NSUN4: variants seen among roughly 807,000 people sequenced by gnomAD.
NSUN4 encodes 5-cytosine rRNA methyltransferase NSUN4.
NSUN4 carries 31 observed loss-of-function variants against 43.8 expected under a neutral mutation model. The ratio of observed to expected loss-of-function variants is 0.71; its 90% confidence interval spans 0.53 to 0.96. NSUN4 has a LOEUF of 0.96. Ranked by LOEUF, NSUN4 falls within the 40% of genes least tolerant of loss-of-function variation. NSUN4 has a pLI of 0.00. For missense variants in NSUN4, 439 were observed against 475.6 expected (o/e 0.92, Z 0.72); for synonymous variants, 167 against 184.1 (o/e 0.91, Z 0.75).
intron 1 of NSUN4, chr1:46,343,949 G>C (rs986577014): frequency 1.3e-5 from 5 of 396,470 alleles, no homozygotes; most frequent in Non-Finnish European, 2.2e-5. Flanking sequence ...CAAGAAATGA[G>C]GGCCAGAGCA....
At chr1:46,372,063 T>C in the NSUN4 span, among the ~76,000 whole-genome samples, 1 of 152,078 alleles carries the variant, frequency 6.6e-6, no homozygotes, top group Non-Finnish European at 1.5e-5. Flanking sequence ...TGATAATCCC[T>C]TCTCTCTGTA....
At chr1:46,348,808 GTT>G (rs869234807) in intron 3 of NSUN4, among the ~76,000 whole-genome samples, 490 of 77,826 alleles carry the variant, frequency 6.3e-3, no homozygotes, top group African/African-American at 0.023. Context: ...CTTGTGCACT[GTT>G]TTTTTTTTTT....
chr1:46,341,353 A>G (rs897559456), intron 1 of NSUN4: 1 of 997,894 alleles, frequency 1.0e-6, no homozygotes, highest in Non-Finnish European at 1.2e-6. Flanking sequence ...GGAAAATACC[A>G]TAGCGACCTT....
the NSUN4 span, chr1:46,370,520 A>G: frequency 3.3e-5 from 5 of 150,150 alleles, no homozygotes; most frequent in East Asian, 3.9e-4. Context: ...GCTTTAGCCA[A>G]TGAAATGTGC....
chr1:46,356,785 G>T (rs569985074), intron 4 of NSUN4, among the ~76,000 whole-genome samples: 74 of 152,160 alleles, frequency 4.9e-4, no homozygotes, highest in African/African-American at 1.7e-3. Flanking sequence ...TTGTCCATCA[G>T]CTGGAGAAGG....
intron 4 of NSUN4, among the ~76,000 whole-genome samples, chr1:46,353,381 A>G (rs897706948): frequency 6.6e-6 from 1 of 152,210 alleles, no homozygotes; most frequent in Non-Finnish European, 1.5e-5. Context: ...AGCACATGGT[A>G]CAAAATTCAG....
the NSUN4 span, among the ~76,000 whole-genome samples, chr1:46,371,284 C>T: frequency 6.6e-5 from 10 of 151,234 alleles, no homozygotes; most frequent in East Asian, 7.7e-4. Context: ...CCTGTCACCA[C>T]GCCTGGCTAA....
At position 46,347,089 on chromosome 1, in the gene NSUN4, CTGGTGTGT is replaced by C. The variant is rs1318257074; in HGVS notation, c.592+18_592+25del. The stretch of plus-strand genomic sequence containing the variant: ...CTGGCTGTTGCCGTAAGTCAGGGTG[CTGGTGTGT>C]TGGGCAGAGAGAGCTCCCCACCTCA... On this transcript the variant is annotated intron_variant, in intron 3 of 5. Coordinates refer to ENST00000474844, the MANE Select transcript of NSUN4 (RefSeq NM_199044.4). The C allele has an allele frequency of 6.2e-7, 1 of 1,612,020 alleles. No individual in the cohort carries two copies. The highest frequency in any genetic ancestry group is 8.5e-7 in the Non-Finnish European group (1 of 1,178,968).
At chr1:46,366,979 A>G (rs1436535691), downstream of NSUN4, among the ~76,000 whole-genome samples, 2 of 152,176 alleles carry the variant, frequency 1.3e-5, no homozygotes, top group Admixed American at 1.3e-4. Context: ...TGTTTGAGAG[A>G]CTGGTAAAAG....
At chr1:46,378,405 C>T in the NSUN4 span, among the ~76,000 whole-genome samples, 2 of 152,142 alleles carry the variant, frequency 1.3e-5, no homozygotes, top group Non-Finnish European at 1.5e-5. Flanking sequence ...TCATGCTGAA[C>T]AGGCTGGTCT....
chr1:46,342,793 C>G, intron 1 of NSUN4: 1 of 399,010 alleles, frequency 2.5e-6, no homozygotes, highest in Non-Finnish European at 4.4e-6. Flanking sequence ...CAGTCACATA[C>G]TCCCCACAAA....
In NSUN4 at chr1:46,363,913, T is replaced by C. The variant is rs1664027033; in HGVS notation, c.*2067T>C. The C allele has an allele frequency of 6.6e-6, 1 of 152,202 alleles. No homozygotes were observed. The highest frequency in any genetic ancestry group is 6.5e-5 in the Admixed American group (1 of 15,280). 9.4% of individuals were successfully genotyped at this position (152,202 alleles called of 1,614,324 possible). A position where few individuals can be genotyped will look rare whatever the true frequency, so the allele number is the denominator to read the frequency against. On this transcript the variant is annotated 3_prime_UTR_variant, in exon 6 of 6. Coordinates refer to ENST00000474844, the MANE Select transcript of NSUN4 (RefSeq NM_199044.4). The stretch of plus-strand genomic sequence containing the variant: ...AAAGGTTTTTTCTTTTCTATGGAGT[T>C]ATTCTTTACATACAATATAGTTCAT...
chr1:46,348,051 T>C (rs1662650784), intron 3 of NSUN4, among the ~76,000 whole-genome samples: 1 of 151,982 alleles, frequency 6.6e-6, no homozygotes, highest in African/African-American at 2.4e-5. Context: ...CTAATTTGTT[T>C]TTGTACTTTT....
chr1:46,364,451 T>TGGATCACCTGAGGTCAGGA lies in NSUN4; in HGVS notation c.*2609_*2627dup, dbSNP rs1328843897. 4 of 150,492 alleles carry TGGATCACCTGAGGTCAGGA rather than the reference T, an allele frequency of 2.7e-5. No individual in the cohort carries two copies. The highest frequency in any genetic ancestry group is 9.8e-5 in the African/African-American group (4 of 40,616). 9.3% of individuals were successfully genotyped at this position (150,492 alleles called of 1,614,324 possible). A position where few individuals can be genotyped will look rare whatever the true frequency, so the allele number is the denominator to read the frequency against. On this transcript the variant is annotated 3_prime_UTR_variant, in exon 6 of 6. Coordinates refer to ENST00000474844, the MANE Select transcript of NSUN4 (RefSeq NM_199044.4). ...CAAAACTTTGGAAGGCTGAGGCAGG[T>TGGATCACCTGAGGTCAGGA]GGATCACCTGAGGTCAGGAGGAGTT...
chr1:46,374,809 G>A, the NSUN4 span, among the ~76,000 whole-genome samples: 2 of 151,248 alleles, frequency 1.3e-5, no homozygotes, highest in East Asian at 1.9e-4. Context: ...GAGTATATGA[G>A]TATAAGCTAT....
At chr1:46,344,687 A>T in intron 1 of NSUN4, 114 bp from the exon 2 acceptor site, 1 of 845,150 alleles carries the variant, frequency 1.2e-6, no homozygotes, top group Non-Finnish European at 1.9e-6. Flanking sequence ...ATGCAAAAGC[A>T]GGAGTGGGCA....
At chr1:46,383,118 A>G in the NSUN4 span, among the ~76,000 whole-genome samples, 1 of 152,204 alleles carries the variant, frequency 6.6e-6, no homozygotes, top group African/African-American at 2.4e-5. Flanking sequence ...CAGGACTGGG[A>G]CAGGGTGACC....
intron 2 of NSUN4, among the ~76,000 whole-genome samples, chr1:46,346,150 CAAAAAA>C (rs745954011): frequency 1.2e-5 from 1 of 86,160 alleles, no homozygotes; most frequent in Non-Finnish European, 2.2e-5. Context: ...GACTCTGTCT[CAAAAAA>C]AAAAAAAAAA....
chr1:46,348,184 G>GTGCAC (rs1662663545), intron 3 of NSUN4, among the ~76,000 whole-genome samples: 1 of 151,894 alleles, frequency 6.6e-6, no homozygotes, highest in Non-Finnish European at 1.5e-5. Flanking sequence ...CCGGCCCCTT[G>GTGCAC]TGTCAAGTAC....
Sources: allele counts gnomAD v4.1 joint callset (sites outside exome capture counted in the v4.1 genomes callset), GRCh38; gene constraint gnomAD v4.1.1; transcripts MANE v1.5; gene names NCBI Gene and HGNC (gene_info 2026-07-23, HGNC 2026-07-21).